The following TMEM178B variants were observed in gnomAD, a reference collection of about 807,000 sequenced individuals.
TMEM178B encodes transmembrane protein 178B.
Under a neutral mutation model 31.0 loss-of-function variants are expected in TMEM178B, and 5 were observed. That is an observed-to-expected ratio of 0.16 (90% confidence interval 0.08 to 0.34). The LOEUF is 0.34. Among genes scored for constraint, TMEM178B ranks in the 10% least tolerant of loss-of-function variants. The pLI is 1.00. For missense variants in TMEM178B, 275 were observed against 400.3 expected (o/e 0.69, Z 2.67); for synonymous variants, 164 against 164.0 (o/e 1.00, Z 0.00).
chr7:141,408,796 G>T (rs182814879), intron 2 of TMEM178B, among the ~76,000 whole-genome samples: 5 of 152,346 alleles, frequency 3.3e-5, no homozygotes, highest in Admixed American at 3.3e-4. Context: ...TTGGCCCCTG[G>T]TGGGCTCTGA....
intron 3 of TMEM178B, 32 bp from the exon 4 acceptor site, chr7:141,470,504 C>A: frequency 6.8e-7 from 1 of 1,460,954 alleles, no homozygotes. Context: ...TTCTCCATTT[C>A]CCCATCCTGT....
chr7:141,395,936 G>A (rs986472011), intron 2 of TMEM178B, among the ~76,000 whole-genome samples: 2 of 152,084 alleles, frequency 1.3e-5, no homozygotes, highest in South Asian at 4.1e-4. Context: ...AGAGGGAGGG[G>A]GCGGCACTAA....
At chr7:141,467,089 C>G (rs755023047) in intron 3 of TMEM178B, among the ~76,000 whole-genome samples, 6 of 152,036 alleles carry the variant, frequency 3.9e-5, no homozygotes, top group African/African-American at 1.4e-4. Context: ...AGCACCTTTG[C>G]CCCACACAAG....
At chr7:141,193,810 C>T (rs1467395675) in intron 1 of TMEM178B, among the ~76,000 whole-genome samples, 1 of 152,228 alleles carries the variant, frequency 6.6e-6, no homozygotes, top group Non-Finnish European at 1.5e-5. Context: ...GGGCCCCCTG[C>T]AGGACCCTGC....
intron 2 of TMEM178B, among the ~76,000 whole-genome samples, chr7:141,228,624 G>A (rs1158370531): frequency 6.6e-6 from 1 of 152,178 alleles, no homozygotes; most frequent in Admixed American, 6.5e-5. Flanking sequence ...CGGCTGTCAG[G>A]ATCTCCAGTG....
At chr7:141,105,226 T>C (rs1437431937) in intron 1 of TMEM178B, among the ~76,000 whole-genome samples, 3 of 152,106 alleles carry the variant, frequency 2.0e-5, no homozygotes, top group Non-Finnish European at 4.4e-5. Flanking sequence ...AGAGGGAACA[T>C]TGGCTGCTGT....
chr7:141,313,645 C>T (rs949594431), intron 2 of TMEM178B, among the ~76,000 whole-genome samples: 4 of 152,132 alleles, frequency 2.6e-5, no homozygotes, highest in Non-Finnish European at 5.9e-5. Flanking sequence ...CTTGGCTAAA[C>T]GCTTTGCTTC....
chr7:141,226,881 GA>G (rs1223860791), intron 2 of TMEM178B, among the ~76,000 whole-genome samples: 6 of 140,748 alleles, frequency 4.3e-5, no homozygotes, highest in Non-Finnish European at 6.2e-5. Context: ...AAAAGAAAAA[GA>G]AAAAAGTAAT....
intron 2 of TMEM178B, among the ~76,000 whole-genome samples, chr7:141,384,647 C>T (rs986833278): frequency 4.6e-5 from 7 of 152,134 alleles, no homozygotes; most frequent in African/African-American, 9.7e-5. Context: ...AGTCAGGTAG[C>T]GTGATGCCTC....
At chr7:141,220,361 A>AAAT (rs1292517486) in intron 2 of TMEM178B, among the ~76,000 whole-genome samples, 7 of 125,588 alleles carry the variant, frequency 5.6e-5, no homozygotes, top group African/African-American at 2.3e-4. Context: ...AATAATAATA[A>AAAT]AATAATAAAT....
chr7:141,356,082 T>C (rs1342692632), intron 2 of TMEM178B, among the ~76,000 whole-genome samples: 1 of 152,258 alleles, frequency 6.6e-6, no homozygotes. Flanking sequence ...CTATGGTGTA[T>C]ATGTACCACA....
At chr7:141,233,776 C>T (rs1797484210) in intron 2 of TMEM178B, among the ~76,000 whole-genome samples, 1 of 152,244 alleles carries the variant, frequency 6.6e-6, no homozygotes, top group African/African-American at 2.4e-5. Flanking sequence ...TTTTGCAAAA[C>T]TGGCAATGCC....
intron 1 of TMEM178B, among the ~76,000 whole-genome samples, chr7:141,085,779 C>T (rs1011253032): frequency 1.3e-5 from 2 of 151,996 alleles, no homozygotes; most frequent in African/African-American, 4.8e-5. Flanking sequence ...CATGCTCAGG[C>T]GATGCTGCCT....
At chr7:141,269,585 ATTT>A (rs1798148574) in intron 2 of TMEM178B, among the ~76,000 whole-genome samples, 1 of 152,140 alleles carries the variant, frequency 6.6e-6, no homozygotes, top group Non-Finnish European at 1.5e-5. Flanking sequence ...TGAAGCTTAT[ATTT>A]TTTATTTTTA....
chr7:141,225,041 C>G (rs1393302577), intron 2 of TMEM178B, among the ~76,000 whole-genome samples: 1 of 152,164 alleles, frequency 6.6e-6, no homozygotes, highest in African/African-American at 2.4e-5. Context: ...GGAAGGTGCA[C>G]CACAGTGCCT....
chr7:141,223,696 C>A (rs1263398511), intron 2 of TMEM178B, among the ~76,000 whole-genome samples: 1 of 152,026 alleles, frequency 6.6e-6, no homozygotes, highest in African/African-American at 2.4e-5. Flanking sequence ...CTATGCATAT[C>A]CATCTGAGGA....
chr7:141,406,451 C>T (rs1304158733), intron 2 of TMEM178B, among the ~76,000 whole-genome samples: 2 of 152,190 alleles, frequency 1.3e-5, no homozygotes, highest in Non-Finnish European at 2.9e-5. Flanking sequence ...CCCATAAATC[C>T]TAAGGACTTC....
chr7:141,372,430 C>T (rs899866110), intron 2 of TMEM178B, among the ~76,000 whole-genome samples: 2 of 152,154 alleles, frequency 1.3e-5, no homozygotes, highest in Non-Finnish European at 2.9e-5. Flanking sequence ...CTGTGAGTCA[C>T]CCTTCACCTC....
chr7:141,384,295 C>T (rs1185406575), intron 2 of TMEM178B, among the ~76,000 whole-genome samples: 5 of 152,088 alleles, frequency 3.3e-5, no homozygotes, highest in South Asian at 2.1e-4. Flanking sequence ...TCCTTGCCCA[C>T]GCCTGTGTCC....
Sources: allele counts gnomAD v4.1 joint callset (sites outside exome capture counted in the v4.1 genomes callset), GRCh38; gene constraint gnomAD v4.1.1; transcripts MANE v1.5; gene names NCBI Gene and HGNC (gene_info 2026-07-23, HGNC 2026-07-21).